Variants in RIT2 observed in about 807,000 individuals in gnomAD.
The protein encoded by RIT2 is Ras like without CAAX 2.
Under a neutral mutation model 23.7 loss-of-function variants are expected in RIT2, and 24 were observed. The ratio of observed to expected loss-of-function variants is 1.01; its 90% CI spans 0.73 to 1.43. RIT2 has a LOEUF of 1.43. Among genes scored for constraint, RIT2 ranks in the 40% most tolerant of loss-of-function variants. The probability of loss-of-function intolerance (pLI) is 0.00; values close to 1 mark genes in which losing one functional copy is unlikely to be tolerated. For missense variants in RIT2, 236 were observed against 266.9 expected (o/e 0.88, Z 0.81); for synonymous variants, 107 against 91.1 (o/e 1.17, Z -0.99).
intron 1 of RIT2, among the ~76,000 whole-genome samples, chr18:43,055,086 C>T (rs1912469022): frequency 6.6e-6 from 1 of 152,048 alleles, no homozygotes; most frequent in Non-Finnish European, 1.5e-5. Flanking sequence ...TTGAGCTGTT[C>T]CTGTTGTTAC....
At chr18:43,046,875 A>G in intron 1 of RIT2, among the ~76,000 whole-genome samples, 1 of 152,196 alleles carries the variant, frequency 6.6e-6, no homozygotes, top group East Asian at 1.9e-4. Context: ...GTTTTAATTT[A>G]TAGTATGGTA....
intron 2 of RIT2, among the ~76,000 whole-genome samples, chr18:43,014,989 T>C (rs1911439402): frequency 6.6e-6 from 1 of 151,758 alleles, no homozygotes; most frequent in Non-Finnish European, 1.5e-5. Context: ...ATATATGTAT[T>C]ACAAAATGAG....
chr18:43,022,945 T>C lies in RIT2; in HGVS notation c.160+10866A>G, dbSNP rs146949479. 4.2e-3 allele frequency among the ~76,000 whole-genome samples: 641 copies of C among 152,176 alleles called. 3 individuals are homozygous for C. The highest frequency in any genetic ancestry group is 0.017 in the Middle Eastern group (5 of 294). On this transcript the variant is annotated intron_variant, in intron 2 of 4. Coordinates refer to ENST00000326695, the MANE Select transcript of RIT2 (RefSeq NM_002930.4). ...TGCTGAGAAAAGAGTGTTTTTTCGA[T>C]TTTTCTGGGACTGAGTGAAATCATA...
rs995574615 is a variant in RIT2 at position 42,743,404 on chromosome 18, TAGAG to T, written c.*85_*88del. 1.4e-4 allele frequency: 133 copies of T among 924,552 alleles called. No homozygotes were observed. The highest frequency in any genetic ancestry group is 4.6e-4 in the East Asian group (19 of 41,332). The allele number at this position is 924,552 out of a possible 1,614,324, so 57.3% of individuals were successfully genotyped here. ...AGATATTTAAAGAGAGAGAGACACA[TAGAG>T]AGATAATATTGAAGCAGAATGCTAC... On this transcript the variant is annotated 3_prime_UTR_variant, in exon 5 of 5. Transcript: ENST00000326695.
At chr18:42,889,915 T>C (rs181324680) in intron 4 of RIT2, among the ~76,000 whole-genome samples, 82 of 152,226 alleles carry the variant, frequency 5.4e-4, no homozygotes, top group African/African-American at 1.9e-3. Context: ...AGACTTGTCC[T>C]TGTGCTATGA....
intron 2 of RIT2, among the ~76,000 whole-genome samples, chr18:42,987,003 TA>T (rs1910724589): frequency 6.6e-6 from 1 of 152,184 alleles, no homozygotes; most frequent in South Asian, 2.1e-4. Context: ...AGAACTTTTA[TA>T]ATACTGCAGA....
At chr18:43,025,761 C>A (rs566585570) in intron 2 of RIT2, among the ~76,000 whole-genome samples, 3 of 152,132 alleles carry the variant, frequency 2.0e-5, no homozygotes, top group African/African-American at 7.2e-5. Flanking sequence ...TATGCATTCA[C>A]TTGTGAGAGC....
chr18:42,743,814 G>A, intron 4 of RIT2, 94 bp from the exon 5 acceptor site: 4 of 939,890 alleles, frequency 4.3e-6, no homozygotes, highest in Non-Finnish European at 4.7e-6. Flanking sequence ...TCAGGCCTCT[G>A]AGCCCAAGCC....
At chr18:42,770,792 A>AAT (rs1397268830) in intron 4 of RIT2, among the ~76,000 whole-genome samples, 2 of 152,004 alleles carry the variant, frequency 1.3e-5, no homozygotes, top group African/African-American at 4.8e-5. Flanking sequence ...CACTCAAAAA[A>AAT]AAAAAAGAAT....
intron 2 of RIT2, among the ~76,000 whole-genome samples, chr18:42,992,150 T>C (rs1029398424): frequency 1.8e-4 from 2 of 11,236 alleles, no homozygotes; most frequent in Non-Finnish European, 5.7e-3. Flanking sequence ...CACCCTCCAT[T>C]CCTCCACTTC....
At chr18:42,950,926 G>A (rs1909837055) in intron 3 of RIT2, among the ~76,000 whole-genome samples, 1 of 151,776 alleles carries the variant, frequency 6.6e-6, no homozygotes, top group Non-Finnish European at 1.5e-5. Flanking sequence ...AACAGATGCT[G>A]GTGAGACTGC....
At chr18:42,821,510 T>G (rs1280478309) in intron 4 of RIT2, among the ~76,000 whole-genome samples, 2 of 152,026 alleles carry the variant, frequency 1.3e-5, no homozygotes. Context: ...GCAATCAATA[T>G]CTGGAGACAT....
intron 4 of RIT2, among the ~76,000 whole-genome samples, chr18:42,754,233 T>G (rs989889582): frequency 2.6e-5 from 4 of 152,114 alleles, no homozygotes; most frequent in Non-Finnish European, 4.4e-5. Flanking sequence ...GCAAGAGTCC[T>G]CCTTCCCTTC....
intron 3 of RIT2, among the ~76,000 whole-genome samples, chr18:42,968,750 C>T (rs573256801): frequency 1.3e-5 from 2 of 152,192 alleles, no homozygotes; most frequent in East Asian, 3.9e-4. Flanking sequence ...TAAAAATGTG[C>T]CTTACTTCTA....
chr18:42,746,966 G>A (rs1052291339), intron 4 of RIT2, among the ~76,000 whole-genome samples: 2 of 151,954 alleles, frequency 1.3e-5, no homozygotes, highest in African/African-American at 4.8e-5. Context: ...GGGAAAAGTT[G>A]AAAGCATTTC....
At chr18:43,036,555 G>A (rs1230518923) in intron 1 of RIT2, among the ~76,000 whole-genome samples, 4 of 138,522 alleles carry the variant, frequency 2.9e-5, no homozygotes, top group South Asian at 4.6e-4. Flanking sequence ...ACCTCCCCCC[G>A]CCAGCCTGCC....
intron 2 of RIT2, among the ~76,000 whole-genome samples, chr18:42,987,630 C>T (rs1483658671): frequency 6.6e-6 from 1 of 152,142 alleles, no homozygotes; most frequent in Admixed American, 6.5e-5. Flanking sequence ...ATTATTCATA[C>T]CATCCCTAAA....
chr18:42,832,643 A>T (rs188766565), intron 4 of RIT2, among the ~76,000 whole-genome samples: 56 of 152,360 alleles, frequency 3.7e-4, no homozygotes, highest in African/African-American at 1.3e-3. Flanking sequence ...TGCTACCTCA[A>T]ACATTTATCA....
intron 4 of RIT2, among the ~76,000 whole-genome samples, chr18:42,870,742 G>A (rs1354720135): frequency 6.6e-6 from 1 of 152,014 alleles, no homozygotes; most frequent in African/African-American, 2.4e-5. Context: ...ATAAAGTTGG[G>A]CAATATGGCA....
Sources: allele counts gnomAD v4.1 joint callset (sites outside exome capture counted in the v4.1 genomes callset), GRCh38; gene constraint gnomAD v4.1.1; transcripts MANE v1.5; gene names NCBI Gene and HGNC (gene_info 2026-07-23, HGNC 2026-07-21).